Variants in PCDHGA3 observed in about 807,000 individuals in gnomAD.
The protein encoded by PCDHGA3 is protocadherin gamma subfamily A, 3, also known as protocadherin gamma-A3.
A neutral mutation model predicts 58.5 loss-of-function variants in PCDHGA3; 40 were observed. The observed-to-expected ratio is 0.68, with a 90% CI of 0.53 to 0.89. The LOEUF is 0.89. PCDHGA3 is among the 40% of genes least tolerant of loss of function. The pLI, the probability that PCDHGA3 is intolerant of heterozygous loss-of-function variation, is 0.00. For missense variants in PCDHGA3, 1,223 were observed against 1,195.9 expected (o/e 1.02, Z -0.33); for synonymous variants, 530 against 525.7 (o/e 1.01, Z -0.11).
chr5:141,393,360 C>T, intron 1 of PCDHGA3: 1 of 1,613,968 alleles, frequency 6.2e-7, no homozygotes, highest in Non-Finnish European at 8.5e-7. Flanking sequence ...CCTGGACGTG[C>T]AGACTGGAGA....
intron 1 of PCDHGA3, chr5:141,427,909 C>G: frequency 6.3e-7 from 1 of 1,576,922 alleles, no homozygotes; most frequent in Non-Finnish European, 8.7e-7. Context: ...GCGCTCAGCG[C>G]CAACATGAGC....
chr5:141,464,515 A>C (rs969421973), intron 1 of PCDHGA3, among the ~76,000 whole-genome samples: 4 of 152,028 alleles, frequency 2.6e-5, no homozygotes, highest in Non-Finnish European at 4.4e-5. Flanking sequence ...CATAAGGTAA[A>C]GGCATATGTA....
rs866649962 is a variant in PCDHGA3 at position 141,482,106 on chromosome 5, T to A, written c.2425-12701T>A. Reference sequence around the variant, plus strand: ...CTCCATCTCAAAAAAAAAAAAAAAATATCTAGAGATGGGAGAATCATATGG... The same window carrying A: ...CTCCATCTCAAAAAAAAAAAAAAAAAATCTAGAGATGGGAGAATCATATGG... On this transcript the variant is annotated intron_variant, in intron 1 of 3. Transcript: ENST00000253812. 2.5e-3 allele frequency among the ~76,000 whole-genome samples: 342 copies of A among 138,882 alleles called. 1 individual carries two copies. Among genetic ancestry groups the A allele is most frequent in the Middle Eastern group, 0.011 (3 of 272 alleles). 91.1% of individuals were successfully genotyped at this position (138,882 alleles called of 152,430 possible). A position where few individuals can be genotyped will look rare whatever the true frequency, so the allele number is the denominator to read the frequency against.
rs2099403992 is a variant in PCDHGA3, at chr5:141,477,030, C to T, written c.2425-17777C>T. On this transcript the variant is annotated intron_variant, in intron 1 of 3. Transcript: ENST00000253812. This position sits in a 1 kb window ranked among gnomAD's most constrained non-coding sequence, Gnocchi z 4.9. ...TTAGACCTTGTAACCGGGATGCTGACAATCAAGGGTCGGCTGGACTTCGAG... is the reference window on the plus strand; with the variant it reads ...TTAGACCTTGTAACCGGGATGCTGATAATCAAGGGTCGGCTGGACTTCGAG... The T allele has an allele frequency of 1.2e-6, 2 of 1,614,272 alleles. No homozygotes were observed. The highest frequency in any genetic ancestry group is 1.6e-4 in the Middle Eastern group (1 of 6,062).
intron 1 of PCDHGA3, chr5:141,427,312 C>T (rs1438759401): frequency 4.4e-6 from 2 of 456,954 alleles, no homozygotes; most frequent in East Asian, 6.9e-5. Context: ...GACAATGCCC[C>T]AGACGTGGTT....
chr5:141,474,981 G>A (rs1336399018), intron 1 of PCDHGA3, among the ~76,000 whole-genome samples: 1 of 152,126 alleles, frequency 6.6e-6, no homozygotes, highest in African/African-American at 2.4e-5. Context: ...ATTTTGTTTG[G>A]TGACAACAAT....
At chr5:141,428,320 T>G in intron 1 of PCDHGA3, 2 of 650,176 alleles carry the variant, frequency 3.1e-6, no homozygotes, top group Non-Finnish European at 5.5e-6. Context: ...GGCCTTGGCC[T>G]TGATTTCTAT....
intron 1 of PCDHGA3, among the ~76,000 whole-genome samples, chr5:141,349,468 A>G (rs1457448443): frequency 6.6e-6 from 1 of 152,214 alleles, no homozygotes; most frequent in Non-Finnish European, 1.5e-5. Flanking sequence ...GTGTACCCCA[A>G]CACTAAATTG....
At chr5:141,372,817 T>C (rs933851148) in intron 1 of PCDHGA3, 2 of 1,572,230 alleles carry the variant, frequency 1.3e-6, no homozygotes, top group Non-Finnish European at 1.7e-6. Context: ...AAGGTGAGTT[T>C]CTTCAAACCT....
chr5:141,491,580 G>A lies in PCDHGA3; in HGVS notation c.2425-3227G>A. 6.2e-7 allele frequency: 1 copy of A among 1,613,942 alleles called. No individual in the cohort carries two copies. Among genetic ancestry groups the A allele is most frequent in the Non-Finnish European group, 8.5e-7 (1 of 1,180,044 alleles). ...ACTGCTACAGGACGTGCTTTTCACC[G>A]GCCTCGGACGGCAGTGACTTCACTT... is the stretch of plus-strand genomic sequence containing the variant. On this transcript the variant is annotated intron_variant, in intron 1 of 3. Coordinates refer to ENST00000253812, the MANE Select transcript of PCDHGA3 (RefSeq NM_018916.4). The surrounding 1 kb of genome is among the most constrained non-coding windows in gnomAD (Gnocchi z 6.9).
Position 141,491,573 on chromosome 5 carries a change from T to G in PCDHGA3, c.2425-3234T>G. The G allele has an allele frequency of 6.2e-7, 1 of 1,613,912 alleles. No individual in the cohort carries two copies. The highest frequency in any genetic ancestry group is 8.5e-7 in the Non-Finnish European group (1 of 1,180,030). The stretch of plus-strand genomic sequence containing the variant: ...CAGAGCCACTGCTACAGGACGTGCT[T>G]TTCACCGGCCTCGGACGGCAGTGAC... On this transcript the variant is annotated intron_variant, in intron 1 of 3. Transcript: ENST00000253812. The surrounding 1 kb of genome is among the most constrained non-coding windows in gnomAD (Gnocchi z 6.9).
At chr5:141,473,066 A>G (rs1002054198) in intron 1 of PCDHGA3, among the ~76,000 whole-genome samples, 3 of 152,128 alleles carry the variant, frequency 2.0e-5, no homozygotes, top group African/African-American at 7.2e-5. Context: ...AACAAGTTAC[A>G]GCATCTTTGT....
Position 141,489,263 on chromosome 5 carries a change from A to G in PCDHGA3, c.2425-5544A>G. The G allele has an allele frequency of 6.4e-7, 1 of 1,552,104 alleles. No homozygotes were observed. Among genetic ancestry groups the G allele is most frequent in the South Asian group, 1.3e-5 (1 of 79,626 alleles). On this transcript the variant is annotated intron_variant, in intron 1 of 3. Transcript: ENST00000253812. This position sits in a 1 kb window ranked among gnomAD's most constrained non-coding sequence, Gnocchi z 4.5. ...GTCATGGGGCCCAAGACACTCCCAC[A>G]GCTCGCTGGGAAATGGCAAGTGCTG...
In PCDHGA3 at chr5:141,512,859, CAT is replaced by C. The variant is rs1474518602; in HGVS notation, c.*1688_*1689del. 6.6e-6 allele frequency: 1 copy of C among 152,296 alleles called. No homozygotes were observed. The highest frequency in any genetic ancestry group is 1.9e-4 in the East Asian group (1 of 5,200). The allele number at this position is 152,296 out of a possible 1,614,324, so 9.4% of individuals were successfully genotyped here. A position where few individuals can be genotyped will look rare whatever the true frequency, so the allele number is the denominator to read the frequency against. On this transcript the variant is annotated 3_prime_UTR_variant, in exon 4 of 4. Transcript: ENST00000253812. ...CTTCTCCTATAAGCGCTTCTCTTCG[CAT>C]AGTCACGTAGCTCCCACCCCACCCT... is the stretch of plus-strand genomic sequence containing the variant.
intron 1 of PCDHGA3, chr5:141,399,859 G>T: frequency 1.2e-6 from 2 of 1,612,844 alleles, no homozygotes; most frequent in Non-Finnish European, 1.7e-6. Context: ...GCCGCGCGCT[G>T]CAGAGCCCGG....
intron 2 of PCDHGA3, among the ~76,000 whole-genome samples, chr5:141,495,407 C>T: frequency 6.6e-6 from 1 of 152,218 alleles, no homozygotes; most frequent in East Asian, 1.9e-4. Flanking sequence ...AGGCCCCCTT[C>T]TCCGGCCCCT....
Position 141,418,052 on chromosome 5 carries a change from G to A in PCDHGA3, c.2424+71595G>A, listed in dbSNP as rs202112422. 1.2e-3 allele frequency: 1,918 copies of A among 1,613,866 alleles called. 6 individuals are homozygous for A. Among genetic ancestry groups the A allele is most frequent in the East Asian group, 2.1e-3 (96 of 44,758 alleles). On this transcript the variant is annotated intron_variant, in intron 1 of 3. Coordinates refer to ENST00000253812, the MANE Select transcript of PCDHGA3 (RefSeq NM_018916.4). ...TAGTGTCCTGGATGTGTCGGCTCGC[G>A]AGCTGCGAGTGAGCGCGGAGAAGCT...
intron 1 of PCDHGA3, among the ~76,000 whole-genome samples, chr5:141,445,738 T>G (rs553879167): frequency 9.9e-5 from 15 of 152,122 alleles, no homozygotes; most frequent in Non-Finnish European, 1.9e-4. Context: ...AAAGATCTTT[T>G]TAAAAAATAA....
rs1425448852 is a variant in PCDHGA3, at chr5:141,493,717, C to T, written c.2425-1090C>T. Among the ~76,000 whole-genome samples the T allele has an allele frequency of 1.3e-5, 2 of 152,208 alleles. No individual in the cohort carries two copies. The highest frequency in any genetic ancestry group is 3.8e-4 in the East Asian group (2 of 5,202). On this transcript the variant is annotated intron_variant, in intron 1 of 3. Coordinates refer to ENST00000253812, the MANE Select transcript of PCDHGA3 (RefSeq NM_018916.4). This position sits in a 1 kb window ranked among gnomAD's most constrained non-coding sequence, Gnocchi z 4.3. ...CCGATACACCTGGAATGCTAGGTTT[C>T]TGGGTTCTGCTCATATCACTGCCAC...
Sources: allele counts gnomAD v4.1 joint callset (sites outside exome capture counted in the v4.1 genomes callset), GRCh38; gene constraint gnomAD v4.1.1; non-coding constraint Gnocchi (gnomAD v3.1); transcripts MANE v1.5; gene names NCBI Gene and HGNC (gene_info 2026-07-23, HGNC 2026-07-21).